Variants in HBP1 observed in about 807,000 individuals in gnomAD.
HBP1 encodes HMG-box transcription factor 1, also known as HMG box-containing protein 1.
In HBP1, 20 loss-of-function variants were observed where a neutral mutation model predicts 62.6. That is an observed-to-expected ratio of 0.32 (90% CI 0.22 to 0.46). HBP1 has a LOEUF of 0.46. HBP1 is among the 20% of genes least tolerant of loss of function. The pLI, the probability that HBP1 is intolerant of heterozygous loss-of-function variation, is 1.00. For missense variants in HBP1, 480 were observed against 611.8 expected (o/e 0.78, Z 2.27); for synonymous variants, 232 against 206.2 (o/e 1.12, Z -1.07).
chr7:107,183,099 G>T (rs1398913766), intron 3 of HBP1, among the ~76,000 whole-genome samples: 3 of 152,140 alleles, frequency 2.0e-5, no homozygotes, highest in Non-Finnish European at 4.4e-5. Context: ...AAAAATCACT[G>T]TTTCATATAT....
chr7:107,196,731 C>G (rs369753436), intron 9 of HBP1: 1 of 159,064 alleles, frequency 6.3e-6, no homozygotes, highest in African/African-American at 2.4e-5. Context: ...TCACTGTAGC[C>G]TGTATCTCCC....
In HBP1 at chr7:107,201,655, T is replaced by G. The variant is rs1798319885; in HGVS notation, c.*224T>G. Reference sequence around the variant, plus strand: ...CATTTTAAACCAAATTGCCTTATTTTTCTTCCAAACTTCATATATGTCTAT... The same window carrying G: ...CATTTTAAACCAAATTGCCTTATTTGTCTTCCAAACTTCATATATGTCTAT... On this transcript the variant is annotated 3_prime_UTR_variant, in exon 11 of 11. Transcript: ENST00000222574. 7.3e-6 allele frequency: 3 copies of G among 412,708 alleles called. No homozygotes were observed. In the East Asian group the frequency reaches 1.1e-4, roughly 15 times the overall value. The allele number at this position is 412,708 out of a possible 1,614,324, so 25.6% of individuals were successfully genotyped here.
At position 107,202,208 on chromosome 7, in the gene HBP1, C is replaced by T. The variant is rs2116061324; in HGVS notation, c.*777C>T. ...ACTTCGTGTTCTGTATCTCCTCAGC[C>T]ATGTATCTTAAATATATTTTGTCAT... is the stretch of plus-strand genomic sequence containing the variant. On this transcript the variant is annotated 3_prime_UTR_variant, in exon 11 of 11. Coordinates refer to ENST00000222574, the MANE Select transcript of HBP1 (RefSeq NM_012257.4). 1 of 152,626 alleles carries T rather than the reference C, an allele frequency of 6.6e-6. No individual in the cohort carries two copies. The highest frequency in any genetic ancestry group is 2.1e-4 in the South Asian group (1 of 4,806). The allele number at this position is 152,626 out of a possible 1,614,324, so 9.5% of individuals were successfully genotyped here.
intron 9 of HBP1, chr7:107,197,208 C>T (rs1260192590): frequency 2.0e-5 from 3 of 152,154 alleles, no homozygotes; most frequent in Non-Finnish European, 4.4e-5. Flanking sequence ...ATATTAATAA[C>T]GCTGTCTTCT....
At position 107,201,541 on chromosome 7, in the gene HBP1, AGATACT is replaced by A; in HGVS notation, c.*115_*120del. 2 of 606,536 alleles carry A rather than the reference AGATACT, an allele frequency of 3.3e-6. No individual in the cohort carries two copies. The highest frequency in any genetic ancestry group is 5.3e-4 in the Middle Eastern group (2 of 3,776). The allele number at this position is 606,536 out of a possible 1,614,324, so 37.6% of individuals were successfully genotyped here. ...TTTGTCCTCAATTCGTGTGACCATA[AGATACT>A]GATAGCATTGAGTCTTGAAATGATT... On this transcript the variant is annotated 3_prime_UTR_variant, in exon 11 of 11. Coordinates refer to ENST00000222574, the MANE Select transcript of HBP1 (RefSeq NM_012257.4).
At chr7:107,176,084 G>T (rs1052873395) in intron 1 of HBP1, among the ~76,000 whole-genome samples, 1 of 150,006 alleles carries the variant, frequency 6.7e-6, no homozygotes, top group Non-Finnish European at 1.5e-5. Flanking sequence ...GTAGTGCAGT[G>T]GTGCGATCTC....
chr7:107,195,727 T>C, intron 8 of HBP1, 107 bp from the exon 9 acceptor site: 1 of 557,654 alleles, frequency 1.8e-6, no homozygotes, highest in Non-Finnish European at 2.8e-6. Flanking sequence ...GGAAATGCAC[T>C]GAAATTTCCA....
At chr7:107,184,226 A>C (rs1175957819) in intron 3 of HBP1, among the ~76,000 whole-genome samples, 2 of 152,218 alleles carry the variant, frequency 1.3e-5, no homozygotes, top group Non-Finnish European at 2.9e-5. Flanking sequence ...GATACTTCAT[A>C]TATATCTAAA....
At chr7:107,171,046 A>AATATATATATATATAT (rs374693805) in intron 1 of HBP1, among the ~76,000 whole-genome samples, 12 of 60,518 alleles carry the variant, frequency 2.0e-4, no homozygotes, top group African/African-American at 8.4e-4. Flanking sequence ...TACATGTATA[A>AATATATATATATATAT]ATATATATAT....
intron 3 of HBP1, among the ~76,000 whole-genome samples, chr7:107,184,759 C>T (rs1157249124): frequency 6.6e-6 from 1 of 152,190 alleles, no homozygotes. Flanking sequence ...ATCCGCTTGC[C>T]TTGGCCTCCC....
At chr7:107,181,652 TG>T (rs1294146157) in intron 2 of HBP1, among the ~76,000 whole-genome samples, 4 of 151,608 alleles carry the variant, frequency 2.6e-5, no homozygotes, top group Admixed American at 2.6e-4. Context: ...ATGTGTTTCG[TG>T]GAGAGTTTTT....
rs1158851366 is a variant in HBP1 at position 107,169,134 on chromosome 7, T to G, written c.-67T>G. The G allele has an allele frequency of 1.4e-5, 17 of 1,236,524 alleles. No individual in the cohort carries two copies. The highest frequency in any genetic ancestry group is 1.8e-5 in the Non-Finnish European group (17 of 961,458). 76.6% of individuals were successfully genotyped at this position (1,236,524 alleles called of 1,614,324 possible). On this transcript the variant is annotated 5_prime_UTR_variant, in exon 1 of 11. Transcript: ENST00000222574. Reference sequence around the variant, plus strand: ...GAGGGGGTACGAGAGCTGCTGGTGGTGTTGTCGTGGCCGGAGCGGCCCGCG... The same window carrying G: ...GAGGGGGTACGAGAGCTGCTGGTGGGGTTGTCGTGGCCGGAGCGGCCCGCG...
chr7:107,183,544 T>C (rs1281114545), intron 3 of HBP1, among the ~76,000 whole-genome samples: 3 of 152,174 alleles, frequency 2.0e-5, no homozygotes, highest in Non-Finnish European at 2.9e-5. Flanking sequence ...AGAGTTGTTA[T>C]TTCCTTTATA....
Position 107,179,936 on chromosome 7 carries a change from C to G in HBP1, c.43C>G (p.Gln15Glu). 2 of 1,604,794 alleles carry G rather than the reference C, an allele frequency of 1.2e-6. No homozygotes were observed. The highest frequency in any genetic ancestry group is 1.7e-6 in the Non-Finnish European group (2 of 1,173,768). ...VKTNQMPNAV[Q>E]KLLLVMDKRA... ...GACAAATCAGATGCCTAATGCAGTA[C>G]AGAAACTCCTGTTGGTGATGGACAA... The change falls in exon 2 of 11, where the codon CAG becomes GAG. Residue 15 changes from glutamine to glutamate, a missense_variant. By Grantham distance (29) the Gln-to-Glu change is conservative. This residue lies in a region of HBP1 where 304 missense variants were observed against 330.9 expected (regional missense o/e 0.92). Transcript: ENST00000222574.
At chr7:107,199,109 A>G (rs1181202491) in intron 9 of HBP1, among the ~76,000 whole-genome samples, 1 of 152,178 alleles carries the variant, frequency 6.6e-6, no homozygotes, top group African/African-American at 2.4e-5. Context: ...TTTTTGAGAC[A>G]GAGTCTCATT....
chr7:107,170,466 G>C (rs1005358574), intron 1 of HBP1, among the ~76,000 whole-genome samples: 1 of 151,988 alleles, frequency 6.6e-6, no homozygotes, highest in African/African-American at 2.4e-5. Flanking sequence ...AATGAGTGTG[G>C]TAGAGTCGGT....
At chr7:107,199,807 T>C (rs905209039) in intron 9 of HBP1, among the ~76,000 whole-genome samples, 3 of 152,226 alleles carry the variant, frequency 2.0e-5, no homozygotes, top group African/African-American at 7.2e-5. Context: ...TCTAAAGGTT[T>C]ATTTGGTTTT....
chr7:107,179,780 A>T (rs1797024853), intron 1 of HBP1, 99 bp from the exon 2 acceptor site: 1 of 762,066 alleles, frequency 1.3e-6, no homozygotes, highest in Middle Eastern at 2.7e-4. Flanking sequence ...TCAAAAAAAA[A>T]ACAAAACAAC....
Position 107,169,079 on chromosome 7 carries a change from C to A in HBP1, c.-122C>A. The A allele has an allele frequency of 1.6e-6, 2 of 1,287,210 alleles. No homozygotes were observed. The highest frequency in any genetic ancestry group is 2.0e-6 in the Non-Finnish European group (2 of 987,456). The allele number at this position is 1,287,210 out of a possible 1,614,324, so 79.7% of individuals were successfully genotyped here. ...GTAAGAGCTGCCGCGGGAGCAGTAA[C>A]CCGCGCGGGGGAGGCCGACGTCGGT... On this transcript the variant is annotated 5_prime_UTR_variant, in exon 1 of 11. Transcript: ENST00000222574.
Sources: allele counts gnomAD v4.1 joint callset (sites outside exome capture counted in the v4.1 genomes callset), GRCh38; gene constraint gnomAD v4.1.1; regional missense constraint gnomAD v4.1.1; transcripts MANE v1.5; gene names NCBI Gene and HGNC (gene_info 2026-07-23, HGNC 2026-07-21).